Variants in HECW2 observed in about 807,000 individuals in gnomAD.
HECW2 encodes the protein HECT, C2 and WW domain containing E3 ubiquitin protein ligase 2.
Under a neutral mutation model 175.2 loss-of-function variants are expected in HECW2, and 61 were observed. The ratio of observed to expected loss-of-function variants is 0.35; its 90% CI spans 0.28 to 0.43. The LOEUF is 0.43. Ranked by LOEUF, HECW2 falls within the 20% of genes least tolerant of loss-of-function variation. The pLI is 1.00. For missense variants in HECW2, 1,524 were observed against 2,000.5 expected (o/e 0.76, Z 4.54); for synonymous variants, 671 against 731.0 (o/e 0.92, Z 1.32).
At chr2:196,483,122 C>T (rs1266732891) in intron 1 of HECW2, among the ~76,000 whole-genome samples, 1 of 147,106 alleles carries the variant, frequency 6.8e-6, no homozygotes, top group East Asian at 1.9e-4. Flanking sequence ...AAAGCACCCT[C>T]ATTTATCGTG....
At chr2:196,420,835 T>C (rs1695388994) in intron 2 of HECW2, among the ~76,000 whole-genome samples, 1 of 152,106 alleles carries the variant, frequency 6.6e-6, no homozygotes, top group Non-Finnish European at 1.5e-5. Flanking sequence ...AGAATATGTC[T>C]ATGAAAAAAA....
chr2:196,410,970 T>C (rs766261224), intron 2 of HECW2, among the ~76,000 whole-genome samples: 2 of 151,780 alleles, frequency 1.3e-5, no homozygotes, highest in Non-Finnish European at 2.9e-5. Context: ...TTCCAGGCAA[T>C]GCAATGGCTC....
chr2:196,430,564 C>T (rs1055388553), intron 2 of HECW2, among the ~76,000 whole-genome samples: 2 of 151,870 alleles, frequency 1.3e-5, no homozygotes, highest in Non-Finnish European at 2.9e-5. Context: ...AGTTAACACA[C>T]AAGAAATCTC....
intron 18 of HECW2, among the ~76,000 whole-genome samples, chr2:196,255,569 G>A (rs375292539): frequency 2.4e-4 from 36 of 152,182 alleles, no homozygotes; most frequent in East Asian, 1.9e-3. Context: ...CTTTACATGC[G>A]TTTATTCTGA....
chr2:196,221,887 T>C lies in HECW2; in HGVS notation c.4146+324A>G, dbSNP rs1349973410. Reference sequence around the variant, plus strand: ...CATTCTATAAATGCCAATTAAAAAATTCTGTAGTGTGGACTTTAAAAAACT... The same window carrying C: ...CATTCTATAAATGCCAATTAAAAAACTCTGTAGTGTGGACTTTAAAAAACT... On this transcript the variant is annotated intron_variant, in intron 24 of 28. Coordinates refer to ENST00000644978, the MANE Select transcript of HECW2 (RefSeq NM_001348768.2). Among the ~76,000 whole-genome samples the C allele has an allele frequency of 2.0e-5, 3 of 152,170 alleles. No homozygotes were observed. In the East Asian group the frequency reaches 5.8e-4, roughly 29 times the overall value.
intron 1 of HECW2, among the ~76,000 whole-genome samples, chr2:196,453,728 G>C (rs766080847): frequency 2.0e-5 from 3 of 152,084 alleles, no homozygotes; most frequent in South Asian, 2.1e-4. Context: ...TCAGGCAAAC[G>C]AGGGTGGGAC....
chr2:196,223,567 A>C (rs889934569), intron 23 of HECW2, among the ~76,000 whole-genome samples: 12 of 152,202 alleles, frequency 7.9e-5, no homozygotes, highest in African/African-American at 2.9e-4. Flanking sequence ...CTTAAGACAG[A>C]ATTTCTAGAG....
At chr2:196,223,786 GACC>G (rs1687753574) in intron 23 of HECW2, among the ~76,000 whole-genome samples, 1 of 152,180 alleles carries the variant, frequency 6.6e-6, no homozygotes, top group Admixed American at 6.5e-5. Context: ...CCAATGAATA[GACC>G]ACTACAGTAA....
chr2:196,312,915 T>C (rs1186552710), intron 10 of HECW2, among the ~76,000 whole-genome samples: 2 of 152,230 alleles, frequency 1.3e-5, no homozygotes, highest in Non-Finnish European at 2.9e-5. Flanking sequence ...ATTCACTGCA[T>C]GGTTTTAGGC....
At chr2:196,301,989 T>A (rs1026091968) in intron 13 of HECW2, among the ~76,000 whole-genome samples, 5 of 152,174 alleles carry the variant, frequency 3.3e-5, no homozygotes, top group African/African-American at 1.2e-4. Context: ...ATTGCCTAGA[T>A]TTTTTTGTAG....
intron 19 of HECW2, among the ~76,000 whole-genome samples, chr2:196,250,658 C>T: frequency 6.6e-6 from 1 of 152,088 alleles, no homozygotes; most frequent in East Asian, 1.9e-4. Context: ...CCTGTGTCAT[C>T]AAAATAGGTG....
intron 1 of HECW2, among the ~76,000 whole-genome samples, chr2:196,576,716 C>T (rs539330091): frequency 6.6e-6 from 1 of 151,512 alleles, no homozygotes; most frequent in African/African-American, 2.4e-5. Context: ...GTTCTCACCA[C>T]AAAAAAAAGA....
intron 1 of HECW2, among the ~76,000 whole-genome samples, chr2:196,520,021 T>C (rs1559155178): frequency 1.3e-5 from 2 of 152,198 alleles, no homozygotes; most frequent in Non-Finnish European, 2.9e-5. Context: ...CCTCCTTCCA[T>C]GAACATGATA....
At chr2:196,474,806 G>T (rs1157192422) in intron 1 of HECW2, among the ~76,000 whole-genome samples, 1 of 152,130 alleles carries the variant, frequency 6.6e-6, no homozygotes, top group Non-Finnish European at 1.5e-5. Flanking sequence ...AAAAGCACTT[G>T]CTGAGATTTC....
chr2:196,212,385 A>G (rs1360766460), intron 28 of HECW2, among the ~76,000 whole-genome samples: 2 of 151,728 alleles, frequency 1.3e-5, no homozygotes, highest in Non-Finnish European at 1.5e-5. Flanking sequence ...AGTGAGTGTT[A>G]TTCCCCTCTA....
chr2:196,214,688 T>C (rs1407349251), intron 28 of HECW2, among the ~76,000 whole-genome samples: 1 of 152,222 alleles, frequency 6.6e-6, no homozygotes, highest in Non-Finnish European at 1.5e-5. Flanking sequence ...CCAAGGAGGC[T>C]CAGGCAAACC....
intron 2 of HECW2, among the ~76,000 whole-genome samples, chr2:196,411,820 G>A (rs1039985730): frequency 2.6e-5 from 4 of 152,304 alleles, no homozygotes; most frequent in African/African-American, 9.6e-5. Context: ...AGACCAGCCT[G>A]GCCAACATGG....
At chr2:196,549,936 G>C (rs550844495) in intron 1 of HECW2, among the ~76,000 whole-genome samples, 1 of 152,316 alleles carries the variant, frequency 6.6e-6, no homozygotes, top group African/African-American at 2.4e-5. Context: ...AGGTGAAAGA[G>C]GGCATGATTC....
intron 1 of HECW2, among the ~76,000 whole-genome samples, chr2:196,565,022 T>A (rs13405889): frequency 0.035 from 5,270 of 151,638 alleles, 301 homozygotes; most frequent in African/African-American, 0.12. Context: ...GGAGCCTAGC[T>A]AATAATGAAT....
Sources: gnomAD v4.1 joint callset for allele counts (sites outside exome capture counted in the v4.1 genomes callset) on GRCh38, gnomAD v4.1.1 for gene constraint, MANE v1.5 for transcripts, NCBI Gene and HGNC (gene_info 2026-07-23, HGNC 2026-07-21) for gene names.